Variants in PSTPIP1 observed in about 807,000 individuals in gnomAD.
PSTPIP1 encodes proline-serine-threonine phosphatase interacting protein 1, also known as proline-serine-threonine phosphatase-interacting protein 1.
A neutral mutation model predicts 69.6 loss-of-function variants in PSTPIP1; 66 were observed. The observed-to-expected ratio is 0.95, with a 90% CI of 0.78 to 1.16. PSTPIP1 has a LOEUF of 1.16. PSTPIP1 is among the 50% of genes most tolerant of loss of function. The probability of loss-of-function intolerance (pLI) is 0.00; values close to 1 mark genes in which losing one functional copy is unlikely to be tolerated. For synonymous variants in PSTPIP1, 266 were observed against 222.7 expected, an observed-to-expected ratio of 1.19 and a Z score of -1.73; for missense variants, 603 against 557.4, an observed-to-expected ratio of 1.08 and a Z score of -0.82.
rs1379057119 is a variant in PSTPIP1 at position 77,028,583 on chromosome 15, GGACGCGGAC to G, written c.456_464del (p.Asp152_Ala154del). 1 of 1,603,290 alleles carries G rather than the reference GGACGCGGAC, an allele frequency of 6.2e-7. No individual in the cohort carries two copies. Among genetic ancestry groups the G allele is most frequent in the Admixed American group, 1.7e-5 (1 of 58,532 alleles). ...AGAAGACATACGAGCAGAAGTGCCG[GGACGCGGAC>G]GACGCGGAGCAGGCCTTCGAGCGCA... On this transcript the variant is annotated inframe_deletion, in exon 7 of 15. Transcript: ENST00000558012.
intron 1 of PSTPIP1, among the ~76,000 whole-genome samples, chr15:77,002,545 C>T (rs372097351): frequency 2.0e-5 from 3 of 152,192 alleles, no homozygotes; most frequent in Non-Finnish European, 2.9e-5. Flanking sequence ...TCCACATGCT[C>T]GGTGCATATT....
chr15:77,012,144 T>C (rs565337910), intron 1 of PSTPIP1, among the ~76,000 whole-genome samples: 4 of 122,998 alleles, frequency 3.3e-5, no homozygotes, highest in South Asian at 2.9e-4. Context: ...CATCCATCCA[T>C]CCATCCATCC....
At chr15:77,036,916 A>C in intron 14 of PSTPIP1, 129 bp from the exon 15 acceptor site, 1 of 1,289,858 alleles carries the variant, frequency 7.8e-7, no homozygotes, top group Non-Finnish European at 1.1e-6. Flanking sequence ...TGTGTCCCCA[A>C]GGGGCTGCCC....
intron 3 of PSTPIP1, among the ~76,000 whole-genome samples, chr15:77,019,754 CGGGTGCAGGCT>C (rs79947345): frequency 0.15 from 23,316 of 152,192 alleles, 2,152 homozygotes; most frequent in South Asian, 0.23. Context: ...GGCTGAGGGC[CGGGTGCAGGCT>C]GGGCACAGAG....
At chr15:77,031,064 G>T in intron 9 of PSTPIP1, 116 bp from the exon 10 acceptor site, 10 of 1,000,444 alleles carry the variant, frequency 1.0e-5, no homozygotes, top group African/African-American at 8.0e-5. Context: ...CTTTGGACTG[G>T]GCTTCCAGCA....
In PSTPIP1 at chr15:77,027,935, C is replaced by A; in HGVS notation, c.417+21C>A. ...TGGAGGTGAGCGCCAGGGCCTGGGG[C>A]CGCGGCCTTCCCTCGAGGAGCAGCG... On this transcript the variant is annotated intron_variant, in intron 6 of 14. Coordinates refer to ENST00000558012, the MANE Select transcript of PSTPIP1 (RefSeq NM_003978.5). The surrounding 1 kb of genome is among the most constrained non-coding windows in gnomAD (Gnocchi z 4.3). 1 of 1,541,876 alleles carries A rather than the reference C, an allele frequency of 6.5e-7. No individual in the cohort carries two copies. Among genetic ancestry groups the A allele is most frequent in the Non-Finnish European group, 8.8e-7 (1 of 1,138,402 alleles).
At chr15:77,003,897 A>T (rs2152666879) in intron 1 of PSTPIP1, among the ~76,000 whole-genome samples, 1 of 152,314 alleles carries the variant, frequency 6.6e-6, no homozygotes, top group Admixed American at 6.5e-5. Context: ...AACAGTTCCC[A>T]GGGGACCCAG....
In PSTPIP1 at chr15:77,034,670, C is replaced by T. The variant is rs1472049384; in HGVS notation, c.930-838C>T. On this transcript the variant is annotated intron_variant, in intron 12 of 14. Transcript: ENST00000558012. ...TCCCTCTCCTGGTCACCTGCAGTGC[C>T]TCGCTCCCCCTTCTCTCCTAGTAAA... is the stretch of plus-strand genomic sequence containing the variant. 3.3e-5 allele frequency among the ~76,000 whole-genome samples: 5 copies of T among 152,140 alleles called. No homozygotes were observed. The East Asian group carries it at 9.6e-4, about 29-fold the overall frequency.
intron 7 of PSTPIP1, among the ~76,000 whole-genome samples, 185 bp from the exon 8 acceptor site, chr15:77,029,344 A>G (rs1031741253): frequency 6.6e-6 from 1 of 152,088 alleles, no homozygotes; most frequent in East Asian, 1.9e-4. Context: ...TTCTCTTTCC[A>G]TGGAGCTAGC....
At position 77,035,570 on chromosome 15, in the gene PSTPIP1, G is replaced by T; in HGVS notation, c.985+7G>T. The T allele has an allele frequency of 6.4e-7, 1 of 1,572,440 alleles. No homozygotes were observed. Among genetic ancestry groups the T allele is most frequent in the Middle Eastern group, 1.7e-4 (1 of 6,016 alleles). ...TCGTTGGCAGCTTCTGCTGGTAAAG[G>T]GGGTCAGGAGGGGACCCCCAAACAC... On this transcript the variant is annotated splice_region_variant and intron_variant, in intron 13 of 14. Coordinates refer to ENST00000558012, the MANE Select transcript of PSTPIP1 (RefSeq NM_003978.5).
chr15:77,007,514 T>G (rs987424854), intron 1 of PSTPIP1, among the ~76,000 whole-genome samples: 2 of 151,490 alleles, frequency 1.3e-5, no homozygotes, highest in East Asian at 2.0e-4. Flanking sequence ...GGGGCTGAGG[T>G]GGGAGGATCA....
intron 3 of PSTPIP1, among the ~76,000 whole-genome samples, chr15:77,020,874 G>T (rs974550937): frequency 1.0e-4 from 15 of 143,244 alleles, no homozygotes; most frequent in East Asian, 6.3e-4. Flanking sequence ...CCTGTGGGGG[G>T]GGGGGGTGTG....
intron 1 of PSTPIP1, among the ~76,000 whole-genome samples, chr15:77,013,825 G>C (rs1269479202): frequency 1.3e-5 from 2 of 152,232 alleles, no homozygotes; most frequent in Admixed American, 6.5e-5. Flanking sequence ...AGGCTTAGCT[G>C]TCCTCTGATA....
chr15:77,017,096 T>C (rs766186988), intron 1 of PSTPIP1, among the ~76,000 whole-genome samples: 6 of 152,156 alleles, frequency 3.9e-5, no homozygotes, highest in Non-Finnish European at 7.4e-5. Flanking sequence ...ACAAAAATCC[T>C]GTCTCCCCAG....
intron 3 of PSTPIP1, among the ~76,000 whole-genome samples, chr15:77,020,877 G>T (rs539056549): frequency 4.9e-5 from 7 of 142,516 alleles, no homozygotes; most frequent in East Asian, 2.1e-4. Context: ...GTGGGGGGGG[G>T]GGGTGTGTGT....
chr15:77,030,689 C>A, intron 9 of PSTPIP1, 108 bp downstream of exon 9: 2 of 1,073,878 alleles, frequency 1.9e-6, no homozygotes, highest in Non-Finnish European at 1.3e-6. Flanking sequence ...GGGAAGGTAC[C>A]TGTTACTCAC....
chr15:77,020,245 G>A (rs1391331777), intron 3 of PSTPIP1, among the ~76,000 whole-genome samples: 5 of 152,182 alleles, frequency 3.3e-5, no homozygotes, highest in Admixed American at 2.6e-4. Flanking sequence ...CCCTGATTGC[G>A]CCATGGTTAT....
At chr15:77,002,665 C>A in intron 1 of PSTPIP1, among the ~76,000 whole-genome samples, 1 of 152,128 alleles carries the variant, frequency 6.6e-6, no homozygotes, top group Non-Finnish European at 1.5e-5. Flanking sequence ...TGTGGTCATG[C>A]TTGCTTTGCT....
chr15:77,027,733 A>G lies in PSTPIP1; in HGVS notation c.355-119A>G, dbSNP rs1182560035. On this transcript the variant is annotated intron_variant, in intron 5 of 14. Coordinates refer to ENST00000558012, the MANE Select transcript of PSTPIP1 (RefSeq NM_003978.5). The surrounding 1 kb of genome is among the most constrained non-coding windows in gnomAD (Gnocchi z 4.3). ...TCTGGGGGAGGGAGGGCAGCCTGTC[A>G]CCCTCTCTCCAGAGCCAGGAGAGGT... The G allele has an allele frequency of 3.4e-6, 4 of 1,186,256 alleles. No individual in the cohort carries two copies. In the Admixed American group the frequency reaches 6.0e-5, roughly 18 times the overall value. The allele number at this position is 1,186,256 out of a possible 1,614,324, so 73.5% of individuals were successfully genotyped here. A position where few individuals can be genotyped will look rare whatever the true frequency, so the allele number is the denominator to read the frequency against.
Sources: gnomAD v4.1 joint callset for allele counts (sites outside exome capture counted in the v4.1 genomes callset) on GRCh38, gnomAD v4.1.1 for gene constraint, Gnocchi (gnomAD v3.1) non-coding constraint, MANE v1.5 for transcripts, NCBI Gene and HGNC (gene_info 2026-07-23, HGNC 2026-07-21) for gene names.